EEF1D: variants seen among roughly 807,000 people sequenced by gnomAD.
EEF1D encodes the protein elongation factor 1-delta.
In EEF1D, 47 loss-of-function variants were observed where a neutral mutation model predicts 63.9. The observed-to-expected ratio is 0.74, with a 90% confidence interval of 0.58 to 0.94. EEF1D has a LOEUF of 0.94. Ranked by LOEUF, EEF1D falls within the 40% of genes least tolerant of loss-of-function variation. The probability of loss-of-function intolerance (pLI) is 0.00; values close to 1 mark genes in which losing one functional copy is unlikely to be tolerated. For synonymous variants in EEF1D, 412 were observed against 386.1 expected, an observed-to-expected ratio of 1.07 and a Z score of -0.79; for missense variants, 907 against 899.0, an observed-to-expected ratio of 1.01 and a Z score of -0.11.
intron 1 of EEF1D, chr8:143,596,412 C>G (rs1440672264): frequency 6.6e-6 from 1 of 152,294 alleles, no homozygotes; most frequent in Non-Finnish European, 1.5e-5. Flanking sequence ...CAGCTGCATC[C>G]CCCACCCCCA....
chr8:143,590,482 G>T, intron 2 of EEF1D: 1 of 1,103,624 alleles, frequency 9.1e-7, no homozygotes, highest in Middle Eastern at 3.2e-4. Flanking sequence ...AGCTTTCCCT[G>T]CATTTTTCCA....
intron 2 of EEF1D, chr8:143,592,157 G>A: frequency 1.0e-6 from 1 of 985,518 alleles, no homozygotes. Flanking sequence ...GAGCCCAGGA[G>A]ACAGGGCATT....
At chr8:143,590,254 A>G in intron 2 of EEF1D, 173 bp from the exon 3 acceptor site, 1 of 1,002,734 alleles carries the variant, frequency 1.0e-6, no homozygotes, top group Non-Finnish European at 1.5e-6. Context: ...GAGGACTTCG[A>G]AGTCAAGCCC....
intron 2 of EEF1D, 49 bp downstream of exon 2, chr8:143,592,598 C>T: frequency 2.0e-6 from 2 of 985,542 alleles, no homozygotes; most frequent in Non-Finnish European, 2.4e-6. Context: ...GCTGGGGGTT[C>T]CCCGGTCAAA....
chr8:143,584,453 G>A (rs1826164516), intron 5 of EEF1D, among the ~76,000 whole-genome samples: 1 of 151,750 alleles, frequency 6.6e-6, no homozygotes, highest in African/African-American at 2.4e-5. Flanking sequence ...TGCAGTCTCA[G>A]CTACTCGGGA....
chr8:143,586,364 A>C, intron 4 of EEF1D, 74 bp from the exon 5 acceptor site: 4 of 1,306,564 alleles, frequency 3.1e-6, no homozygotes, highest in Non-Finnish European at 4.1e-6. Flanking sequence ...CAAACCAAAA[A>C]ACCCCATGAA....
chr8:143,588,974 C>A lies in EEF1D; in HGVS notation c.1091+17G>T. The A allele has an allele frequency of 6.3e-7, 1 of 1,590,010 alleles. No homozygotes were observed. On this transcript the variant is annotated intron_variant, in intron 3 of 9. Coordinates refer to ENST00000618139, the MANE Select transcript of EEF1D (RefSeq NM_001130053.5). ...CCACAGCCCAGGCTGGGTGCCCACC[C>A]AGCACGTTTCTCCTACTTGGGTCTC...
intron 5 of EEF1D, among the ~76,000 whole-genome samples, chr8:143,585,036 T>C (rs533013675): frequency 6.6e-6 from 1 of 152,276 alleles, no homozygotes; most frequent in East Asian, 1.9e-4. Flanking sequence ...GGAGGGACAC[T>C]GTGGGGGACC....
At chr8:143,580,753 C>T (rs1825334723) in intron 7 of EEF1D, 26 bp from the exon 8 acceptor site, 1 of 1,609,258 alleles carries the variant, frequency 6.2e-7, no homozygotes, top group African/African-American at 1.3e-5. Context: ...GGACAGGAGG[C>T]ACGGCTGAGA....
chr8:143,586,675 G>GCTTTGTGT, intron 4 of EEF1D, 54 bp downstream of exon 4: 1 of 1,596,420 alleles, frequency 6.3e-7, no homozygotes, highest in Non-Finnish European at 8.5e-7. Flanking sequence ...TGTGTGCCCC[G>GCTTTGTGT]GCCACTCCTG....
At chr8:143,581,485 G>A (rs978846452) in intron 5 of EEF1D, 157 bp from the exon 6 acceptor site, 2 of 650,556 alleles carry the variant, frequency 3.1e-6, no homozygotes, top group Non-Finnish European at 5.2e-6. Flanking sequence ...TGACCTCAGA[G>A]GTGGCGGCCA....
Position 143,581,240 on chromosome 8 carries a change from C to G in EEF1D, c.1376G>C (p.Ser459Thr). ...RIASLEVENQ[S>T]LRGVVQELQQ... ...GCCCGGGGCCTCACCGCCACGCAGACTCTGGTTCTCCACTTCCAGACTGGC... is the reference window on the plus strand; with the variant it reads ...GCCCGGGGCCTCACCGCCACGCAGAGTCTGGTTCTCCACTTCCAGACTGGC... Residue 459 changes from serine (S) to threonine (T), a missense_variant, in exon 6 of 10, where the codon AGT becomes ACT. Transcript: ENST00000618139. 2 of 1,612,794 alleles carry G rather than the reference C, an allele frequency of 1.2e-6. No individual in the cohort carries two copies. The highest frequency in any genetic ancestry group is 1.7e-6 in the Non-Finnish European group (2 of 1,179,982).
In EEF1D at chr8:143,589,712, A is replaced by G; in HGVS notation, c.370T>C (p.Ser124Pro). The change falls in exon 3 of 10, where the codon TCC becomes CCC. Residue 124 changes from serine to proline, a missense_variant. Transcript: ENST00000618139. ...ACATCTGCCAGCTTCTGGCGGTAGG[A>G]GCTCTCTGCCTGGTCGAAAAGTGAC... is the stretch of plus-strand genomic sequence containing the variant. ...DKSLFDQAES[S>P]YRQKLADVAA... The G allele has an allele frequency of 6.6e-7, 1 of 1,523,988 alleles. No homozygotes were observed. The highest frequency in any genetic ancestry group is 8.8e-7 in the Non-Finnish European group (1 of 1,135,606). The allele number at this position is 1,523,988 out of a possible 1,614,324, so 94.4% of individuals were successfully genotyped here. A position where few individuals can be genotyped will look rare whatever the true frequency, so the allele number is the denominator to read the frequency against.
At chr8:143,588,062 ACT>A (rs988226951) in intron 3 of EEF1D, among the ~76,000 whole-genome samples, 1 of 151,958 alleles carries the variant, frequency 6.6e-6, no homozygotes, top group Non-Finnish European at 1.5e-5. Context: ...GACCCAGGAC[ACT>A]CTCTCGGCAA....
At chr8:143,586,596 C>T in intron 4 of EEF1D, 133 bp downstream of exon 4, 2 of 1,343,750 alleles carry the variant, frequency 1.5e-6, no homozygotes, top group Non-Finnish European at 2.0e-6. Context: ...CGAGACCCCA[C>T]TCCCAGCACC....
intron 8 of EEF1D, 136 bp downstream of exon 8, chr8:143,580,367 GTGT>G: frequency 7.9e-7 from 1 of 1,261,928 alleles, no homozygotes; most frequent in Non-Finnish European, 1.1e-6. Context: ...CTCCAAGTTT[GTGT>G]TTATCCCAAG....
At chr8:143,595,747 G>C (rs556407791) in intron 1 of EEF1D, among the ~76,000 whole-genome samples, 1 of 150,370 alleles carries the variant, frequency 6.7e-6, no homozygotes, top group African/African-American at 2.4e-5. Context: ...GGCTCTGGCC[G>C]ACCTGCCTGC....
chr8:143,583,269 C>T (rs779320208), intron 5 of EEF1D: 1 of 152,298 alleles, frequency 6.6e-6, no homozygotes, highest in Non-Finnish European at 1.5e-5. Context: ...GACTTCCAGC[C>T]TCCAGAGCTG....
Position 143,580,596 on chromosome 8 carries a change from C to G in EEF1D, c.1620G>C (p.Leu540=). 1 of 1,613,762 alleles carries G rather than the reference C, an allele frequency of 6.2e-7. No homozygotes were observed. The highest frequency in any genetic ancestry group is 8.5e-7 in the Non-Finnish European group (1 of 1,179,898). Residue 540 remains leucine (L), a synonymous_variant, in exon 8 of 10, where the codon CTG becomes CTC. Transcript: ENST00000618139. ...CGTACTGCCGTAGCCGCTCCTCCCG[C>G]AGCTGTGCCGCCTCCTTGTCCTCCT... ...NEEEDKEAAQ[L]REERLRQYAE...
Sources: gnomAD v4.1 joint callset for allele counts (sites outside exome capture counted in the v4.1 genomes callset) on GRCh38, gnomAD v4.1.1 for gene constraint, MANE v1.5 for transcripts, NCBI Gene and HGNC (gene_info 2026-07-23, HGNC 2026-07-21) for gene names.